NFE2L3: variants seen among roughly 807,000 people sequenced by gnomAD.
NFE2L3 encodes the protein nuclear factor erythroid 2-related factor 3.
NFE2L3 carries 18 observed loss-of-function variants against 23.5 expected under a neutral mutation model. The ratio of observed to expected loss-of-function variants is 0.77; its 90% confidence interval spans 0.53 to 1.13. NFE2L3 has a LOEUF of 1.13. NFE2L3 is among the 50% of genes most tolerant of loss of function. The probability of loss-of-function intolerance (pLI) is 0.00; values close to 1 mark genes in which losing one functional copy is unlikely to be tolerated. For missense variants in NFE2L3, 1,152 were observed against 877.2 expected (o/e 1.31, Z -3.96); for synonymous variants, 424 against 354.5 (o/e 1.20, Z -2.20).
intron 1 of NFE2L3, among the ~76,000 whole-genome samples, chr7:26,169,099 A>G (rs1784297378): frequency 6.6e-6 from 1 of 152,226 alleles, no homozygotes; most frequent in Non-Finnish European, 1.5e-5. Flanking sequence ...GCAATTGCAA[A>G]TTATATTACA....
intron 1 of NFE2L3, among the ~76,000 whole-genome samples, chr7:26,171,936 G>A (rs1784333071): frequency 1.3e-5 from 2 of 152,224 alleles, no homozygotes; most frequent in Admixed American, 1.3e-4. Flanking sequence ...CACTAGTGTT[G>A]TATTTGATAC....
intron 1 of NFE2L3, among the ~76,000 whole-genome samples, chr7:26,176,807 C>T (rs1388068617): frequency 1.3e-5 from 1 of 79,454 alleles, no homozygotes; most frequent in Non-Finnish European, 2.1e-5. Context: ...ACTTCCCAGA[C>T]GGGGTGGCCA....
At chr7:26,182,927 TG>T (rs1316025627) in intron 2 of NFE2L3, among the ~76,000 whole-genome samples, 6 of 152,148 alleles carry the variant, frequency 3.9e-5, no homozygotes, top group Non-Finnish European at 8.8e-5. Context: ...CCGGAGTAGC[TG>T]GGACCACAGG....
intron 2 of NFE2L3, among the ~76,000 whole-genome samples, chr7:26,178,716 GATCTGTGCTTCCTCCTCCTTTC>G (rs1784457908): frequency 6.6e-6 from 1 of 152,104 alleles, no homozygotes; most frequent in Non-Finnish European, 1.5e-5. Context: ...TGCTTTCTGC[GATCTGTGCTTCCTCCTCCTTTC>G]ATTTGGGCTG....
chr7:26,181,683 A>T (rs56393994), intron 2 of NFE2L3, among the ~76,000 whole-genome samples: 4,444 of 152,288 alleles, frequency 0.029, 80 homozygotes, highest in Middle Eastern at 0.048. Flanking sequence ...CAGCATATGC[A>T]AAAGTCAGGA....
intron 2 of NFE2L3, among the ~76,000 whole-genome samples, chr7:26,180,976 T>C (rs1404297968): frequency 1.3e-5 from 2 of 152,038 alleles, no homozygotes; most frequent in African/African-American, 4.8e-5. Flanking sequence ...TTTTTTTTTT[T>C]TTGAGGAAGG....
intron 1 of NFE2L3, among the ~76,000 whole-genome samples, chr7:26,162,002 G>T (rs1028591149): frequency 6.6e-6 from 1 of 152,042 alleles, no homozygotes; most frequent in Non-Finnish European, 1.5e-5. Context: ...AATTAGCTGG[G>T]CATGTTGGCA....
intron 1 of NFE2L3, among the ~76,000 whole-genome samples, chr7:26,162,027 C>T (rs1293087600): frequency 1.3e-5 from 2 of 151,784 alleles, no homozygotes; most frequent in Non-Finnish European, 2.9e-5. Flanking sequence ...CATGTAATCC[C>T]AGCTACTTGG....
chr7:26,160,581 C>T (rs1468317128), intron 1 of NFE2L3, among the ~76,000 whole-genome samples: 2 of 152,204 alleles, frequency 1.3e-5, no homozygotes, highest in Non-Finnish European at 2.9e-5. Context: ...CTGGAAGCTC[C>T]GCAGGAGCTG....
chr7:26,159,092 C>T (rs957931287), intron 1 of NFE2L3, among the ~76,000 whole-genome samples: 9 of 152,200 alleles, frequency 5.9e-5, no homozygotes, highest in Non-Finnish European at 1.2e-4. Context: ...TGGGATGCCT[C>T]CTCTAGCTCG....
At chr7:26,155,337 G>A (rs888436381) in intron 1 of NFE2L3, among the ~76,000 whole-genome samples, 5 of 152,144 alleles carry the variant, frequency 3.3e-5, no homozygotes, top group Non-Finnish European at 7.3e-5. Flanking sequence ...AGCTACTCGG[G>A]AGGCTGAGGC....
chr7:26,160,670 G>C (rs1279032796), intron 1 of NFE2L3, among the ~76,000 whole-genome samples: 3 of 152,168 alleles, frequency 2.0e-5, no homozygotes, highest in African/African-American at 4.8e-5. Context: ...CCAATTAATT[G>C]GATGAGACCC....
chr7:26,185,626 A>G lies in NFE2L3; in HGVS notation c.1928A>G (p.His643Arg), dbSNP rs145331323. The part of the protein sequence containing the change: ...IMKQKLHDLY[H>R]DIFSRLRDDQ... Reference sequence around the variant, plus strand: ...AAACAGAAACTGCATGACCTTTATCATGATATTTTTAGTAGATTAAGAGAT... The same window carrying G: ...AAACAGAAACTGCATGACCTTTATCGTGATATTTTTAGTAGATTAAGAGAT... Residue 643 changes from histidine (H) to arginine (R), a missense_variant, in exon 4 of 4, where the codon CAT (histidine) becomes CGT (arginine). Physicochemically the swap from His to Arg is conservative, Grantham distance 29 (BLOSUM62 0). Transcript: ENST00000056233. 3.3e-4 allele frequency: 528 copies of G among 1,613,442 alleles called. 1 individual carries two copies. The African/African-American group carries it at 5.9e-3, about 18-fold the overall frequency.
chr7:26,155,057 C>T (rs1784060920), intron 1 of NFE2L3, among the ~76,000 whole-genome samples: 1 of 152,222 alleles, frequency 6.6e-6, no homozygotes, highest in African/African-American at 2.4e-5. Flanking sequence ...TGTCCAGCTC[C>T]TTACAGTTGT....
chr7:26,183,437 A>G (rs1358668970), intron 2 of NFE2L3, among the ~76,000 whole-genome samples: 4 of 151,758 alleles, frequency 2.6e-5, no homozygotes, highest in African/African-American at 9.7e-5. Flanking sequence ...AATCCCAGCT[A>G]CTCCGGAGGC....
At chr7:26,184,015 A>G in intron 3 of NFE2L3, 1 of 511,052 alleles carries the variant, frequency 2.0e-6, no homozygotes, top group Non-Finnish European at 3.5e-6. Context: ...GAGATTTCTC[A>G]AAAAACTAAA....
At position 26,152,681 on chromosome 7, in the gene NFE2L3, C is replaced by T; in HGVS notation, c.183C>T (p.Pro61=). 4.0e-6 allele frequency: 6 copies of T among 1,485,570 alleles called. No homozygotes were observed. Among genetic ancestry groups the T allele is most frequent in the South Asian group, 1.3e-5 (1 of 78,294 alleles). 92.0% of individuals were successfully genotyped at this position (1,485,570 alleles called of 1,614,324 possible). A position where few individuals can be genotyped will look rare whatever the true frequency, so the allele number is the denominator to read the frequency against. ...CCAGCTCCGCCTACGCGCTCAGCCCCTTCTCGGCCTCGGGAGGGTGGGGGC... is the reference window on the plus strand; with the variant it reads ...CCAGCTCCGCCTACGCGCTCAGCCCTTTCTCGGCCTCGGGAGGGTGGGGGC... ...GPASSAYALS[P]FSASGGWGRA... is the part of the protein sequence containing the mutation. Residue 61 remains proline (P), a synonymous_variant, in exon 1 of 4, where the codon CCC becomes CCT. Coordinates refer to ENST00000056233, the MANE Select transcript of NFE2L3 (RefSeq NM_004289.7). This position sits in a 1 kb window ranked among gnomAD's most constrained non-coding sequence, Gnocchi z 4.4.
Position 26,186,682 on chromosome 7 carries a change from T to C in NFE2L3, c.*899T>C, listed in dbSNP as rs1177855228. On this transcript the variant is annotated 3_prime_UTR_variant, in exon 4 of 4. Coordinates refer to ENST00000056233, the MANE Select transcript of NFE2L3 (RefSeq NM_004289.7). ...GGATGGCCTCACCATCTTAGAATAC[T>C]GAGATCTCACCAGAACACTGTAAGC... The C allele has an allele frequency of 6.6e-6, 1 of 152,128 alleles. No homozygotes were observed. The highest frequency in any genetic ancestry group is 1.5e-5 in the Non-Finnish European group (1 of 68,036). 9.4% of individuals were successfully genotyped at this position (152,128 alleles called of 1,614,324 possible).
chr7:26,170,869 G>A (rs1784321022), intron 1 of NFE2L3, among the ~76,000 whole-genome samples: 1 of 152,094 alleles, frequency 6.6e-6, no homozygotes, highest in African/African-American at 2.4e-5. Context: ...AAACCAGCCT[G>A]GGCAAAACAG....
Sources: gnomAD v4.1 joint callset for allele counts (sites outside exome capture counted in the v4.1 genomes callset) on GRCh38, gnomAD v4.1.1 for gene constraint, Gnocchi (gnomAD v3.1) non-coding constraint, MANE v1.5 for transcripts, NCBI Gene and HGNC (gene_info 2026-07-23, HGNC 2026-07-21) for gene names.